Variants in SCARF1 observed in about 807,000 individuals in gnomAD.
SCARF1 encodes the protein acetyl LDL receptor.
SCARF1 carries 49 observed loss-of-function variants against 76.3 expected under a neutral mutation model. The ratio of observed to expected loss-of-function variants is 0.64; its 90% CI spans 0.51 to 0.81. The LOEUF is 0.81. Among genes scored for constraint, SCARF1 ranks in the 40% least tolerant of loss-of-function variants. The probability of loss-of-function intolerance (pLI) is 0.00; values close to 1 mark genes in which losing one functional copy is unlikely to be tolerated. For synonymous variants in SCARF1, 495 were observed against 474.6 expected (o/e 1.04, Z -0.56); for missense variants, 1,098 against 1,143.9 (o/e 0.96, Z 0.58).
chr17:1,634,953 TG>T lies in SCARF1; in HGVS notation c.2297del (p.Thr766LysfsTer79). The stretch of plus-strand genomic sequence containing the variant: ...CCTCTGGTCTGACTGCCATAGGCCC[TG>T]TGGCCCCAGGAAGCCCAGCTTTTGG... ...SAPKAGLPGA[T>X]GPMAVRPEEA... On this transcript the variant is annotated frameshift_variant, in exon 11 of 11. Transcript: ENST00000263071. LOFTEE classifies it low-confidence loss of function (END_TRUNC). 1 of 1,613,172 alleles carries T rather than the reference TG, an allele frequency of 6.2e-7. No homozygotes were observed. The highest frequency in any genetic ancestry group is 1.1e-5 in the South Asian group (1 of 91,060).
intron 8 of SCARF1, 100 bp downstream of exon 8, chr17:1,638,706 C>T: frequency 7.3e-7 from 1 of 1,376,308 alleles, no homozygotes; most frequent in Non-Finnish European, 9.6e-7. Context: ...CCCACGTGGG[C>T]AACAAGGCCA....
chr17:1,640,723 C>G lies in SCARF1; in HGVS notation c.792-57G>C, dbSNP rs1909982949. On this transcript the variant is annotated intron_variant, in intron 4 of 10. Coordinates refer to ENST00000263071, the MANE Select transcript of SCARF1 (RefSeq NM_003693.4). The surrounding 1 kb of genome is among the most constrained non-coding windows in gnomAD (Gnocchi z 4.7). ...GGGGTGGATGGATGGAGCGCCCACC[C>G]CCTCCTACCCCTGTACTCCACGCAG... is the stretch of plus-strand genomic sequence containing the variant. 2.0e-6 allele frequency: 3 copies of G among 1,496,790 alleles called. No individual in the cohort carries two copies. The highest frequency in any genetic ancestry group is 1.4e-5 in the African/African-American group (1 of 72,122). 92.7% of individuals were successfully genotyped at this position (1,496,790 alleles called of 1,614,324 possible). A position where few individuals can be genotyped will look rare whatever the true frequency, so the allele number is the denominator to read the frequency against.
At chr17:1,636,654 G>A in intron 10 of SCARF1, 55 bp downstream of exon 10, 1 of 1,577,556 alleles carries the variant, frequency 6.3e-7, no homozygotes, top group African/African-American at 1.4e-5. Flanking sequence ...GGACTAAAGA[G>A]GGGGTCGTGG....
chr17:1,645,449 C>A lies in SCARF1; in HGVS notation c.101+148G>T, dbSNP rs1041339195. On this transcript the variant is annotated intron_variant, in intron 1 of 10. Transcript: ENST00000263071. The surrounding 1 kb of genome is among the most constrained non-coding windows in gnomAD (Gnocchi z 6.3). ...CCTGGCTGGCCACTACCTGCCAGAC[C>A]GCCATCAGCAGTCCCTTCCTTTCAG... The A allele has an allele frequency of 6.6e-7, 1 of 1,509,452 alleles. No homozygotes were observed. The highest frequency in any genetic ancestry group is 1.4e-5 in the African/African-American group (1 of 71,812). The allele number at this position is 1,509,452 out of a possible 1,614,324, so 93.5% of individuals were successfully genotyped here.
chr17:1,634,891 G>C lies in SCARF1; in HGVS notation c.2360C>G (p.Ser787Ter). The C allele has an allele frequency of 1.2e-6, 2 of 1,613,814 alleles. No individual in the cohort carries two copies. Among genetic ancestry groups the C allele is most frequent in the Non-Finnish European group, 1.7e-6 (2 of 1,179,988 alleles). ...VRGLGAGTESSRRAQEPVSGC... is the reference protein window; with the variant it reads ...VRGLGAGTES ...AGAGACTGGCTCCTGGGCTCTCCTT[G>C]AACTCTCGGTGCCAGCCCCCAGCCC... Residue 787 changes from serine (S) to a stop codon, truncating the protein, a stop_gained, in exon 11 of 11, where the codon TCA becomes TGA. Coordinates refer to ENST00000263071, the MANE Select transcript of SCARF1 (RefSeq NM_003693.4). LOFTEE classifies it low-confidence loss of function (END_TRUNC).
Position 1,644,626 on chromosome 17 carries a change from G to A in SCARF1, c.265+208C>T. On this transcript the variant is annotated intron_variant, in intron 3 of 10. Coordinates refer to ENST00000263071, the MANE Select transcript of SCARF1 (RefSeq NM_003693.4). The surrounding 1 kb of genome is among the most constrained non-coding windows in gnomAD (Gnocchi z 4.8). ...AAGATGCTCAGGTGGGCAGTGCTTT[G>A]TGGATGTGGGTAAAAACCCGGTGAC... 1 of 601,812 alleles carries A rather than the reference G, an allele frequency of 1.7e-6. No individual in the cohort carries two copies. The highest frequency in any genetic ancestry group is 2.9e-5 in the Admixed American group (1 of 34,772). 37.3% of individuals were successfully genotyped at this position (601,812 alleles called of 1,614,324 possible). A position where few individuals can be genotyped will look rare whatever the true frequency, so the allele number is the denominator to read the frequency against.
Position 1,643,651 on chromosome 17 carries a change from G to T in SCARF1, c.582C>A (p.Cys194Ter). 2 of 1,472,774 alleles carry T rather than the reference G, an allele frequency of 1.4e-6. No homozygotes were observed. Among genetic ancestry groups the T allele is most frequent in the Non-Finnish European group, 1.8e-6 (2 of 1,119,466 alleles). The allele number at this position is 1,472,774 out of a possible 1,614,324, so 91.2% of individuals were successfully genotyped here. A position where few individuals can be genotyped will look rare whatever the true frequency, so the allele number is the denominator to read the frequency against. The change falls in exon 4 of 11, where the codon TGC (cysteine) becomes TGA (stop). Residue 194 changes from cysteine (C) to a stop codon, truncating the protein, a stop_gained. Transcript: ENST00000263071. LOFTEE classifies it high-confidence loss of function. ...GWWGRRCSFR[C>*]NCHGSPCEQD... is the part of the protein sequence containing the mutation. The stretch of plus-strand genomic sequence containing the variant: ...GCTCGCACGGGGAGCCGTGGCAGTT[G>T]CAGCGGAAGCTGCAGCGGCGCCCCC...
rs201461199 is a variant in SCARF1 at position 1,641,268 on chromosome 17, C to T, written c.792-602G>A. Reference sequence around the variant, plus strand: ...TGGTGGCCTCAGATTCTCATAGGAGCGCCAGTCCTATTGTGAACTGCGCAC... The same window carrying T: ...TGGTGGCCTCAGATTCTCATAGGAGTGCCAGTCCTATTGTGAACTGCGCAC... On this transcript the variant is annotated intron_variant, in intron 4 of 10. Coordinates refer to ENST00000263071, the MANE Select transcript of SCARF1 (RefSeq NM_003693.4). Among the ~76,000 whole-genome samples the T allele has an allele frequency of 1.7e-4, 26 of 152,266 alleles. No homozygotes were observed. The East Asian group carries it at 3.1e-3, about 18-fold the overall frequency.
At position 1,634,756 on chromosome 17, in the gene SCARF1, C is replaced by A. The variant is rs745533454; in HGVS notation, c.*2G>T. The A allele has an allele frequency of 1.3e-6, 2 of 1,582,370 alleles. No homozygotes were observed. The highest frequency in any genetic ancestry group is 3.6e-5 in the Admixed American group (2 of 55,930). On this transcript the variant is annotated 3_prime_UTR_variant, in exon 11 of 11. Coordinates refer to ENST00000263071, the MANE Select transcript of SCARF1 (RefSeq NM_003693.4). The stretch of plus-strand genomic sequence containing the variant: ...TCTCCCCACTCCCCAAATTCAAGGT[C>A]ATCAGGGTTCTGGTGGCCTGGAGAT...
At chr17:1,637,941 G>A (rs1909721101) in intron 8 of SCARF1, among the ~76,000 whole-genome samples, 1 of 152,048 alleles carries the variant, frequency 6.6e-6, no homozygotes, top group African/African-American at 2.4e-5. Flanking sequence ...CTATGCCCTG[G>A]GCCAGGGGCA....
chr17:1,640,366 G>T lies in SCARF1; in HGVS notation c.1010+82C>A. On this transcript the variant is annotated intron_variant, in intron 5 of 10. Transcript: ENST00000263071. The surrounding 1 kb of genome is among the most constrained non-coding windows in gnomAD (Gnocchi z 4.7). ...GCCGCATGAACCTGTGTGTCGGGGA[G>T]GGTGGTGCTCTCGGAGAGAGCCGCT... 1.6e-6 allele frequency: 2 copies of T among 1,267,080 alleles called. No individual in the cohort carries two copies. Among genetic ancestry groups the T allele is most frequent in the Non-Finnish European group, 2.2e-6 (2 of 905,310 alleles). 78.5% of individuals were successfully genotyped at this position (1,267,080 alleles called of 1,614,324 possible). A position where few individuals can be genotyped will look rare whatever the true frequency, so the allele number is the denominator to read the frequency against.
Position 1,640,171 on chromosome 17 carries a change from G to A in SCARF1, c.1011-131C>T. 1.8e-6 allele frequency: 2 copies of A among 1,108,018 alleles called. No homozygotes were observed. Among genetic ancestry groups the A allele is most frequent in the African/African-American group, 1.6e-5 (1 of 63,698 alleles). 68.6% of individuals were successfully genotyped at this position (1,108,018 alleles called of 1,614,324 possible). A position where few individuals can be genotyped will look rare whatever the true frequency, so the allele number is the denominator to read the frequency against. On this transcript the variant is annotated intron_variant, in intron 5 of 10. Transcript: ENST00000263071. This position sits in a 1 kb window ranked among gnomAD's most constrained non-coding sequence, Gnocchi z 4.7. Reference sequence around the variant, plus strand: ...GCCACTCCTCAGCAGTGAAGCTCAGGTGCAAATAGGGCCTTGAACTTGGGG... The same window carrying A: ...GCCACTCCTCAGCAGTGAAGCTCAGATGCAAATAGGGCCTTGAACTTGGGG...
chr17:1,643,908 C>T lies in SCARF1; in HGVS notation c.325G>A (p.Gly109Ser), dbSNP rs1373561149. 9 of 1,340,364 alleles carry T rather than the reference C, an allele frequency of 6.7e-6. No homozygotes were observed. The highest frequency in any genetic ancestry group is 7.6e-6 in the Non-Finnish European group (8 of 1,049,098). The allele number at this position is 1,340,364 out of a possible 1,614,324, so 83.0% of individuals were successfully genotyped here. A position where few individuals can be genotyped will look rare whatever the true frequency, so the allele number is the denominator to read the frequency against. Residue 109 changes from glycine (G) to serine (S), a missense_variant, in exon 4 of 11, where the codon GGC becomes AGC. By Grantham distance (56) the Gly-to-Ser change is moderately conservative. Transcript: ENST00000263071. ...GCGCCCGTGGCTGGCTCGCACTGGC[C>T]GTGCGGGTGGCAGGGGCAGCTCTCA... ...CRESCPCHPHGQCEPATGACQ... is the reference protein window; with the variant it reads ...CRESCPCHPHSQCEPATGACQ...
At chr17:1,642,986 G>C (rs1342187678) in intron 4 of SCARF1, among the ~76,000 whole-genome samples, 1 of 152,178 alleles carries the variant, frequency 6.6e-6, no homozygotes, top group East Asian at 1.9e-4. Flanking sequence ...ACAGGTGTGA[G>C]CCACCCCACC....
At position 1,636,718 on chromosome 17, in the gene SCARF1, G is replaced by A. The variant is rs369423301; in HGVS notation, c.1624C>T (p.Pro542Ser). 6.2e-7 allele frequency: 1 copy of A among 1,613,998 alleles called. No homozygotes were observed. Among genetic ancestry groups the A allele is most frequent in the South Asian group, 1.1e-5 (1 of 91,076 alleles). ...ADEVPAYCVPPQEGMVPVAQA... is the reference protein window; with the variant it reads ...ADEVPAYCVPSQEGMVPVAQA... Reference sequence around the variant, plus strand: ...GCTGTTGGGGGGCTACCTTCTTGGGGTGGCACACAGTAGGCAGGAACCTCA... The same window carrying A: ...GCTGTTGGGGGGCTACCTTCTTGGGATGGCACACAGTAGGCAGGAACCTCA... Residue 542 changes from proline to serine, a missense_variant, in exon 10 of 11, where the codon CCC (proline) becomes TCC (serine). Physicochemically the swap from Pro to Ser is moderately conservative, Grantham distance 74 (BLOSUM62 -1). Coordinates refer to ENST00000263071, the MANE Select transcript of SCARF1 (RefSeq NM_003693.4).
Position 1,638,888 on chromosome 17 carries a change from G to A in SCARF1, c.1282C>T (p.Leu428Phe). Residue 428 changes from leucine to phenylalanine, a missense_variant, in exon 8 of 11, where the codon CTT becomes TTT. Coordinates refer to ENST00000263071, the MANE Select transcript of SCARF1 (RefSeq NM_003693.4). ...SRDTALIAGS[L>F]VPLLLLFLGL... ...AGGAAGAGCAGCAGCAGAGGCACAA[G>A]GCTGCCCGCGATGAGGGCAGTGTCC... 1 of 1,610,458 alleles carries A rather than the reference G, an allele frequency of 6.2e-7. No homozygotes were observed. The highest frequency in any genetic ancestry group is 8.5e-7 in the Non-Finnish European group (1 of 1,178,020).
At chr17:1,638,741 C>T in intron 8 of SCARF1, 65 bp downstream of exon 8, 1 of 1,407,800 alleles carries the variant, frequency 7.1e-7, no homozygotes. Flanking sequence ...ACAAGGAAAC[C>T]AGATGCCCCC....
rs1274992742 is a variant in SCARF1, at chr17:1,634,868, A to G, written c.2383T>C (p.Ser795Pro). ...TCCTGTTCTGGGGAGCCACAGCCAG[A>G]GACTGGCTCCTGGGCTCTCCTTGAA... The part of the protein sequence containing the change: ...ESSRRAQEPV[S>P]GCGSPEQDPQ... Residue 795 changes from serine to proline, a missense_variant, in exon 11 of 11, where the codon TCT becomes CCT. Physicochemically the swap from Ser to Pro is moderately conservative, Grantham distance 74 (BLOSUM62 -1). Coordinates refer to ENST00000263071, the MANE Select transcript of SCARF1 (RefSeq NM_003693.4). The G allele has an allele frequency of 6.2e-7, 1 of 1,613,454 alleles. No homozygotes were observed. The highest frequency in any genetic ancestry group is 2.2e-5 in the East Asian group (1 of 44,824).
Position 1,635,267 on chromosome 17 carries a change from G to A in SCARF1, c.1984C>T (p.Arg662Trp), listed in dbSNP as rs8072430. ...SPGDSATGHRRPPLGGRTVAE... is the reference protein window; with the variant it reads ...SPGDSATGHRWPPLGGRTVAE... ...ACTGTCCGGCCACCAAGTGGGGGCC[G>A]CCGGTGGCCAGTGGCTGAATCCCCG... Residue 662 changes from arginine to tryptophan, a missense_variant, in exon 11 of 11, where the codon CGG becomes TGG. Transcript: ENST00000263071. The A allele has an allele frequency of 3.6e-3, 5,829 of 1,611,694 alleles. 167 individuals carry two copies. The African/African-American group carries it at 0.067, about 18-fold the overall frequency.
Sources: allele counts gnomAD v4.1 joint callset (sites outside exome capture counted in the v4.1 genomes callset), GRCh38; gene constraint gnomAD v4.1.1; non-coding constraint Gnocchi (gnomAD v3.1); transcripts MANE v1.5; gene names NCBI Gene and HGNC (gene_info 2026-07-23, HGNC 2026-07-21).